The following ZNF7 variants were observed in gnomAD, a reference collection of about 807,000 sequenced individuals.
ZNF7 encodes zinc finger protein 7, also known as C2-H2 type zinc finger protein.
In ZNF7, 10 loss-of-function variants were observed where a neutral mutation model predicts 12.0. That is an observed-to-expected ratio of 0.83 (90% CI 0.51 to 1.42). The LOEUF (loss-of-function observed/expected upper bound fraction) is 1.42, where lower values mean the gene tolerates loss of function less well. ZNF7 is among the 40% of genes most tolerant of loss of function. ZNF7 has a pLI of 0.00. For missense variants in ZNF7, 854 were observed against 837.2 expected (o/e 1.02, Z -0.25); for synonymous variants, 334 against 295.0 (o/e 1.13, Z -1.35).
At chr8:144,847,405 T>A (rs1246718972), downstream of ZNF7, 1 of 152,188 alleles carries the variant, frequency 6.6e-6, no homozygotes, top group African/African-American at 2.4e-5. Flanking sequence ...ATCGCACCAC[T>A]GCACTCTAGC....
Position 144,842,887 on chromosome 8 carries a change from T to G in ZNF7, c.1780T>G (p.Ser594Ala), listed in dbSNP as rs1214579555. 1.2e-6 allele frequency: 2 copies of G among 1,614,218 alleles called. No homozygotes were observed. The highest frequency in any genetic ancestry group is 2.2e-5 in the East Asian group (1 of 44,888). Residue 594 changes from serine (S) to alanine (A), a missense_variant, in exon 5 of 5, where the codon TCA (serine) becomes GCA (alanine). Coordinates refer to ENST00000532777, the MANE Select transcript of ZNF7 (RefSeq NM_003416.4). ...SECGKAFSRS[S>A]YLIEHQRIHT... The stretch of plus-strand genomic sequence containing the variant: ...GTGTGGAAAAGCCTTCAGCCGGAGC[T>G]CATATCTTATTGAACACCAGAGAAT...
In ZNF7 at chr8:144,830,200, C is replaced by T. The variant is rs751209667; in HGVS notation, c.130+596C>T. Among the ~76,000 whole-genome samples the T allele has an allele frequency of 9.2e-5, 14 of 152,178 alleles. No homozygotes were observed. In the East Asian group the frequency reaches 1.7e-3, roughly 19 times the overall value. ...TAAGCCCTCTGCTGCATCACACGCCCGAGAGAGTGCCTGGGCTGGGGGATC... is the reference window on the plus strand; with the variant it reads ...TAAGCCCTCTGCTGCATCACACGCCTGAGAGAGTGCCTGGGCTGGGGGATC... On this transcript the variant is annotated intron_variant, in intron 3 of 4. Transcript: ENST00000532777.
intron 3 of ZNF7, 144 bp from the exon 4 acceptor site, chr8:144,837,247 C>T: frequency 4.9e-6 from 3 of 615,542 alleles, no homozygotes; most frequent in Admixed American, 2.4e-5. Context: ...TTCTCCCCAC[C>T]CTCCACCCAC....
chr8:144,828,205 T>C (rs1483505662), intron 1 of ZNF7, among the ~76,000 whole-genome samples: 4 of 152,156 alleles, frequency 2.6e-5, no homozygotes, highest in Non-Finnish European at 5.9e-5. Flanking sequence ...ACGAAGACTC[T>C]TTTTCCCATT....
At chr8:144,845,553 C>T (rs1455168594), downstream of ZNF7, among the ~76,000 whole-genome samples, 1 of 152,180 alleles carries the variant, frequency 6.6e-6, no homozygotes, top group Non-Finnish European at 1.5e-5. Context: ...ATCTGCTGCT[C>T]AACCCTAATC....
downstream of ZNF7, chr8:144,843,880 C>T (rs578155130): frequency 1.3e-5 from 2 of 152,320 alleles, no homozygotes; most frequent in African/African-American, 4.8e-5. Context: ...GGAGGAGGTC[C>T]AGGAGTGCCT....
Position 144,843,302 on chromosome 8 carries a change from A to C in ZNF7, c.*134A>C. On this transcript the variant is annotated 3_prime_UTR_variant, in exon 5 of 5. Transcript: ENST00000532777. ...TCAGAATTGCTCTCAAGAATATCCA[A>C]CTTCAGGCCGAGTGTGGTGGCTTAT... 2 of 1,161,036 alleles carry C rather than the reference A, an allele frequency of 1.7e-6. No homozygotes were observed. Among genetic ancestry groups the C allele is most frequent in the African/African-American group, 1.6e-5 (1 of 64,300 alleles). 71.9% of individuals were successfully genotyped at this position (1,161,036 alleles called of 1,614,324 possible). A position where few individuals can be genotyped will look rare whatever the true frequency, so the allele number is the denominator to read the frequency against.
intron 3 of ZNF7, 114 bp downstream of exon 3, chr8:144,829,718 C>T: frequency 7.2e-7 from 1 of 1,384,492 alleles, no homozygotes; most frequent in East Asian, 2.5e-5. Context: ...TTGTGGGCTC[C>T]ACAGGGGGCT....
chr8:144,841,026 A>T (rs1829832107), intron 4 of ZNF7: 7 of 259,712 alleles, frequency 2.7e-5, no homozygotes, highest in Non-Finnish European at 3.7e-5. Context: ...GTAGCTTCCC[A>T]CCCTTCTGGT....
downstream of ZNF7, among the ~76,000 whole-genome samples, chr8:144,844,524 C>T (rs559581041): frequency 6.6e-6 from 1 of 151,538 alleles, no homozygotes; most frequent in East Asian, 1.9e-4. Flanking sequence ...TCCTGGCTAA[C>T]ACAGTGAAAC....
Position 144,841,392 on chromosome 8 carries a change from G to T in ZNF7, c.285G>T (p.Glu95Asp). 6.2e-7 allele frequency: 1 copy of T among 1,612,248 alleles called. No homozygotes were observed. Among genetic ancestry groups the T allele is most frequent in the Non-Finnish European group, 8.5e-7 (1 of 1,178,426 alleles). ...TIRTENEQAC[E>D]DMDILKSESY... ...GGACTGAAAATGAGCAGGCCTGTGA[G>T]GACATGGACATCCTAAAATCAGAAT... The change falls in exon 5 of 5, where the codon GAG becomes GAT. Residue 95 changes from glutamate to aspartate, a missense_variant. Coordinates refer to ENST00000532777, the MANE Select transcript of ZNF7 (RefSeq NM_003416.4).
chr8:144,829,827 C>T, intron 3 of ZNF7: 1 of 425,364 alleles, frequency 2.4e-6, no homozygotes, highest in Non-Finnish European at 4.0e-6. Context: ...TTAGTAAAGC[C>T]TCTTTTTTTC....
rs774021509 is a variant in ZNF7 at position 144,842,870 on chromosome 8, A to G, written c.1763A>G (p.Lys588Arg). Residue 588 changes from lysine to arginine, a missense_variant, in exon 5 of 5, where the codon AAA becomes AGA. By Grantham distance (26) the Lys-to-Arg change is conservative. Transcript: ENST00000532777. ...CCCTATGAGTGCAGTGAGTGTGGAA[A>G]AGCCTTCAGCCGGAGCTCATATCTT... ...VKPYECSECG[K>R]AFSRSSYLIE... 21 of 1,614,108 alleles carry G rather than the reference A, an allele frequency of 1.3e-5. No individual in the cohort carries two copies. The South Asian group carries it at 2.2e-4, about 17-fold the overall frequency.
At chr8:144,829,441 C>A (rs760010455) in intron 2 of ZNF7, 37 bp from the exon 3 acceptor site, 3 of 1,612,956 alleles carry the variant, frequency 1.9e-6, no homozygotes, top group Non-Finnish European at 8.5e-7. Flanking sequence ...GGGCTGGCAC[C>A]CAGGGATTCC....
chr8:144,833,196 C>CA (rs11417590), intron 3 of ZNF7, among the ~76,000 whole-genome samples: 61,330 of 108,848 alleles, frequency 0.56, 17,406 homozygotes, highest in Middle Eastern at 0.76. Context: ...GACTTTGTCT[C>CA]AAAAAAAAAA....
intron 3 of ZNF7, among the ~76,000 whole-genome samples, chr8:144,831,737 C>G (rs1465279402): frequency 1.1e-5 from 1 of 92,804 alleles, no homozygotes; most frequent in African/African-American, 3.2e-5. Flanking sequence ...GAGCTGAGAT[C>G]GCACCACTGC....
At chr8:144,845,641 A>C (rs1035196147), downstream of ZNF7, among the ~76,000 whole-genome samples, 2 of 152,164 alleles carry the variant, frequency 1.3e-5, no homozygotes, top group African/African-American at 4.8e-5. Context: ...CATGAGGCCA[A>C]CTGTAAGACC....
chr8:144,838,019 G>A lies in ZNF7; in HGVS notation c.247+512G>A, dbSNP rs190509252. On this transcript the variant is annotated intron_variant, in intron 4 of 4. Transcript: ENST00000532777. ...TTATTGTCTCACAGCTGTGGAGGCC[G>A]GAAATCTGAAACCGGGGGGTCAGCA... 917 of 698,704 alleles carry A rather than the reference G, an allele frequency of 1.3e-3. 3 individuals are homozygous for A. Among genetic ancestry groups the A allele is most frequent in the African/African-American group, 8.6e-3 (490 of 56,822 alleles). 43.3% of individuals were successfully genotyped at this position (698,704 alleles called of 1,614,324 possible). A position where few individuals can be genotyped will look rare whatever the true frequency, so the allele number is the denominator to read the frequency against.
In ZNF7 at chr8:144,841,645, G is replaced by A. The variant is rs1202698273; in HGVS notation, c.538G>A (p.Asp180Asn). Reference protein sequence around the residue: ...GCKELGSSGLDCQPLESQGES... With the variant: ...GCKELGSSGLNCQPLESQGES... ...TAAGGAGCTGGGAAGCAGCGGCCTG[G>A]ATTGTCAGCCTCTTGAAAGTCAGGG... The change falls in exon 5 of 5, where the codon GAT (aspartate) becomes AAT (asparagine). Residue 180 changes from aspartate to asparagine, a missense_variant. Coordinates refer to ENST00000532777, the MANE Select transcript of ZNF7 (RefSeq NM_003416.4). 1 of 1,614,216 alleles carries A rather than the reference G, an allele frequency of 6.2e-7. No individual in the cohort carries two copies. The highest frequency in any genetic ancestry group is 2.2e-5 in the East Asian group (1 of 44,884).
Sources: allele counts gnomAD v4.1 joint callset (sites outside exome capture counted in the v4.1 genomes callset), GRCh38; gene constraint gnomAD v4.1.1; transcripts MANE v1.5; gene names NCBI Gene and HGNC (gene_info 2026-07-23, HGNC 2026-07-21).